Variants in RAB30 observed in about 807,000 individuals in gnomAD.
RAB30 encodes RAB30, member RAS oncogene family.
Under a neutral mutation model 25.1 loss-of-function variants are expected in RAB30, and 9 were observed. The ratio of observed to expected loss-of-function variants is 0.36; its 90% CI spans 0.22 to 0.63. RAB30 has a LOEUF of 0.63. Ranked by LOEUF, RAB30 falls within the 20% of genes least tolerant of loss-of-function variation. RAB30 has a pLI of 0.69. For synonymous variants in RAB30, 77 were observed against 86.4 expected, an observed-to-expected ratio of 0.89 and a Z score of 0.60; for missense variants, 140 against 243.5, an observed-to-expected ratio of 0.58 and a Z score of 2.83.
intron 1 of RAB30, among the ~76,000 whole-genome samples, chr11:83,053,193 T>C (rs1377523097): frequency 6.6e-6 from 1 of 152,178 alleles, no homozygotes; most frequent in Non-Finnish European, 1.5e-5. Flanking sequence ...GGAAGGAGCC[T>C]TAAACCACTG....
intron 4 of RAB30, among the ~76,000 whole-genome samples, chr11:82,985,966 T>C (rs1221324515): frequency 6.6e-6 from 1 of 152,082 alleles, no homozygotes; most frequent in African/African-American, 2.4e-5. Context: ...ATTACAGGTG[T>C]GAGCCACCAT....
intron 1 of RAB30, among the ~76,000 whole-genome samples, chr11:83,019,166 A>C (rs1256240813): frequency 6.6e-6 from 1 of 152,168 alleles, no homozygotes; most frequent in Non-Finnish European, 1.5e-5. Context: ...AGCTGGAATT[A>C]CAGGCATGTG....
chr11:83,042,425 C>T (rs1858147495), intron 1 of RAB30, among the ~76,000 whole-genome samples: 1 of 151,766 alleles, frequency 6.6e-6, no homozygotes, highest in Non-Finnish European at 1.5e-5. Context: ...GGTGTGGCGG[C>T]ACACACCTGT....
chr11:83,043,937 C>G (rs969596278), intron 1 of RAB30, among the ~76,000 whole-genome samples: 1 of 151,928 alleles, frequency 6.6e-6, no homozygotes, highest in African/African-American at 2.4e-5. Context: ...TGCAGTAAAC[C>G]AGGGTTATAT....
chr11:83,061,581 T>A (rs1699510792), intron 1 of RAB30, among the ~76,000 whole-genome samples: 1 of 152,116 alleles, frequency 6.6e-6, no homozygotes. Flanking sequence ...TTAGAAAAAG[T>A]ATCTGTGTGT....
intron 1 of RAB30, among the ~76,000 whole-genome samples, chr11:83,005,946 A>AT (rs948602801): frequency 2.4e-4 from 35 of 143,754 alleles, no homozygotes; most frequent in South Asian, 8.4e-4. Flanking sequence ...TAGCACTTAC[A>AT]TTTTTTTTTT....
At chr11:83,014,679 AAAGAAAGAAAGAAAG>A (rs1857389803) in intron 1 of RAB30, among the ~76,000 whole-genome samples, 1 of 147,380 alleles carries the variant, frequency 6.8e-6, no homozygotes, top group Admixed American at 6.7e-5. Context: ...AGAAAGAAAG[AAAGAAAGAAAGAAAG>A]AGAAAGGAAG....
intron 1 of RAB30, among the ~76,000 whole-genome samples, chr11:83,014,670 GA>G (rs992495101): frequency 1.4e-5 from 2 of 145,684 alleles, no homozygotes; most frequent in African/African-American, 5.1e-5. Context: ...AAGAAAGAAA[GA>G]AAGAAAGAAA....
rs140266020 is a variant in RAB30 at position 82,987,642 on chromosome 11, C to T, written c.306G>A (p.Glu102=). ...TCEESFRCLP[E]WLREIEQYAS... is the part of the protein sequence containing the mutation. ...CATATTGTTCTATCTCCCGCAGCCA[C>T]TCAGGAAGGCAACGGAAGGATTCCT... is the stretch of plus-strand genomic sequence containing the variant. Residue 102 remains glutamate (E), a synonymous_variant, in exon 4 of 5, where the codon GAG becomes GAA. Coordinates refer to ENST00000527633, the MANE Select transcript of RAB30 (RefSeq NM_001286060.2). The T allele has an allele frequency of 5.9e-4, 951 of 1,613,716 alleles. No homozygotes were observed. Among genetic ancestry groups the T allele is most frequent in the Non-Finnish European group, 7.5e-4 (883 of 1,179,870 alleles).
rs568828238 is a variant in RAB30 at position 82,982,073 on chromosome 11, G to A, written c.*92C>T. 7.8e-6 allele frequency: 12 copies of A among 1,544,218 alleles called. No homozygotes were observed. Among genetic ancestry groups the A allele is most frequent in the South Asian group, 7.3e-5 (6 of 82,344 alleles). On this transcript the variant is annotated 3_prime_UTR_variant, in exon 5 of 5. Transcript: ENST00000527633. ...AGCCCACAGGAGTCAGAAGGTCAGAGAGCGGGAGCCACAGTCATCGCCAGA... is the reference window on the plus strand; with the variant it reads ...AGCCCACAGGAGTCAGAAGGTCAGAAAGCGGGAGCCACAGTCATCGCCAGA...
intron 1 of RAB30, among the ~76,000 whole-genome samples, chr11:83,023,645 C>T (rs907804607): frequency 6.6e-6 from 1 of 152,194 alleles, no homozygotes; most frequent in Admixed American, 6.5e-5. Context: ...ATCCAAAACA[C>T]GTGCTGGCTC....
intron 1 of RAB30, among the ~76,000 whole-genome samples, chr11:83,028,848 C>A (rs1355880706): frequency 4.6e-5 from 7 of 152,150 alleles, no homozygotes; most frequent in African/African-American, 1.7e-4. Context: ...AGCAGCCTGA[C>A]CAACATGGCG....
At chr11:83,005,808 A>G (rs183328564) in intron 1 of RAB30, among the ~76,000 whole-genome samples, 17 of 152,208 alleles carry the variant, frequency 1.1e-4, no homozygotes, top group Admixed American at 7.8e-4. Flanking sequence ...ACTGCAATAT[A>G]TATTATTAAG....
intron 1 of RAB30, among the ~76,000 whole-genome samples, chr11:83,008,693 C>T (rs1049527867): frequency 1.3e-5 from 2 of 152,106 alleles, no homozygotes; most frequent in African/African-American, 2.4e-5. Context: ...CACATGCACA[C>T]ACACTCACAC....
intron 1 of RAB30, among the ~76,000 whole-genome samples, chr11:83,007,724 G>A (rs140846257): frequency 6.6e-5 from 10 of 152,178 alleles, no homozygotes; most frequent in Admixed American, 3.3e-4. Flanking sequence ...AATTTGTTTC[G>A]TACCACAGCA....
At chr11:83,063,110 G>A (rs765499965) in intron 1 of RAB30, among the ~76,000 whole-genome samples, 5 of 151,936 alleles carry the variant, frequency 3.3e-5, no homozygotes, top group African/African-American at 7.3e-5. Flanking sequence ...TCATGGCTGC[G>A]ATCCTCACAA....
intron 2 of RAB30, among the ~76,000 whole-genome samples, chr11:82,995,443 C>G (rs1187818760): frequency 6.6e-6 from 1 of 152,162 alleles, no homozygotes; most frequent in Non-Finnish European, 1.5e-5. Context: ...AGAAGTTAAA[C>G]GAATTCTTCC....
At chr11:83,040,628 G>A (rs12290509) in intron 1 of RAB30, among the ~76,000 whole-genome samples, 4,395 of 151,292 alleles carry the variant, frequency 0.029, 189 homozygotes, top group African/African-American at 0.093. Flanking sequence ...ACACTATTTT[G>A]AACTTAAAAT....
intron 1 of RAB30, among the ~76,000 whole-genome samples, chr11:83,008,677 C>T (rs936681634): frequency 2.2e-4 from 34 of 152,184 alleles, no homozygotes; most frequent in Admixed American, 1.1e-3. Flanking sequence ...CAGGGATGGA[C>T]GCACACACAT....
Sources: gnomAD v4.1 joint callset for allele counts (sites outside exome capture counted in the v4.1 genomes callset) on GRCh38, gnomAD v4.1.1 for gene constraint, MANE v1.5 for transcripts, NCBI Gene and HGNC (gene_info 2026-07-23, HGNC 2026-07-21) for gene names.